The following AFF1 variants were observed in gnomAD, a reference collection of about 807,000 sequenced individuals.
The protein encoded by AFF1 is ALF transcription elongation factor 1.
In AFF1, 48 loss-of-function variants were observed where a neutral mutation model predicts 121.7. That is an observed-to-expected ratio of 0.39 (90% CI 0.31 to 0.50). The LOEUF (loss-of-function observed/expected upper bound fraction) is 0.50. AFF1 is among the 20% of genes least tolerant of loss of function. The pLI, the probability that AFF1 is intolerant of heterozygous loss-of-function variation, is 0.76. For synonymous variants in AFF1, 613 were observed against 563.0 expected (o/e 1.09, Z -1.26); for missense variants, 1,523 against 1,511.7 (o/e 1.01, Z -0.12).
At chr4:86,949,167 T>C (rs941925320) in intron 2 of AFF1, among the ~76,000 whole-genome samples, 7 of 113,506 alleles carry the variant, frequency 6.2e-5, no homozygotes, top group African/African-American at 2.3e-4. Context: ...TTCAAAAATA[T>C]ATATATATAT....
chr4:87,050,469 C>G (rs966331397), intron 4 of AFF1, among the ~76,000 whole-genome samples: 1 of 152,188 alleles, frequency 6.6e-6, no homozygotes, highest in African/African-American at 2.4e-5. Flanking sequence ...CCTTCATTCT[C>G]TAGCCACCTA....
In AFF1 at chr4:87,114,446, G is replaced by T; in HGVS notation, c.1613G>T (p.Gly538Val). 1 of 1,613,618 alleles carries T rather than the reference G, an allele frequency of 6.2e-7. No individual in the cohort carries two copies. The highest frequency in any genetic ancestry group is 1.1e-5 in the South Asian group (1 of 91,082). The change falls in exon 12 of 21, where the codon GGC becomes GTC. Residue 538 changes from glycine to valine, a missense_variant. By Grantham distance (109) the Gly-to-Val change is moderately radical (BLOSUM62 -3). Transcript: ENST00000395146. ...AGCCAGCCAGCTGCGCCACCAGAGG[G>T]CCCCAGGAGCACAGAGCCCCCACGG... ...KVSQPAAPPE[G>V]PRSTEPPRRH...
At chr4:87,083,972 C>T in intron 4 of AFF1, 148 bp from the exon 5 acceptor site, 22 of 682,674 alleles carry the variant, frequency 3.2e-5, no homozygotes, top group South Asian at 1.7e-4. Context: ...TGCCATGTTG[C>T]CCAGGCTTCA....
In AFF1 at chr4:87,059,773, C is replaced by T. The variant is rs72877973; in HGVS notation, c.1059+12179C>T. Among the ~76,000 whole-genome samples, 201 of 152,308 alleles carry T rather than the reference C, an allele frequency of 1.3e-3. 1 individual carries two copies. The highest frequency in any genetic ancestry group is 4.6e-3 in the African/African-American group (190 of 41,568). On this transcript the variant is annotated intron_variant, in intron 4 of 20. Transcript: ENST00000395146. ...CTTATAGATGACTTTCTGCTGTGCA[C>T]CCCGCTGCCCAGGCCCGAGTTTCAG... is the stretch of plus-strand genomic sequence containing the variant.
At chr4:87,065,766 T>G (rs1012355464) in intron 4 of AFF1, among the ~76,000 whole-genome samples, 1 of 146,680 alleles carries the variant, frequency 6.8e-6, no homozygotes, top group Non-Finnish European at 1.5e-5. Flanking sequence ...CTTAAAGAAC[T>G]TAAACAGTTG....
intron 8 of AFF1, among the ~76,000 whole-genome samples, chr4:87,102,264 A>G (rs1725505105): frequency 6.6e-6 from 1 of 152,248 alleles, no homozygotes. Context: ...TTGACTTGGC[A>G]TTTGGAAATG....
At chr4:87,107,246 A>G (rs1186139995) in intron 10 of AFF1, among the ~76,000 whole-genome samples, 2 of 152,232 alleles carry the variant, frequency 1.3e-5, no homozygotes, top group Non-Finnish European at 2.9e-5. Flanking sequence ...TTTTGAAAAT[A>G]TTTTAGGTAG....
chr4:87,054,795 G>GT (rs1719932703), intron 4 of AFF1, among the ~76,000 whole-genome samples: 1 of 152,196 alleles, frequency 6.6e-6, no homozygotes, highest in Admixed American at 6.5e-5. Flanking sequence ...TGACAGGCAG[G>GT]TTTTTTAGAG....
chr4:86,979,138 C>T (rs984642939), intron 2 of AFF1, among the ~76,000 whole-genome samples: 1 of 152,138 alleles, frequency 6.6e-6, no homozygotes, highest in African/African-American at 2.4e-5. Context: ...TGCTCTGTCG[C>T]CCAGGCTGGA....
intron 2 of AFF1, among the ~76,000 whole-genome samples, chr4:86,955,688 C>T (rs1209844408): frequency 1.3e-5 from 2 of 152,132 alleles, no homozygotes; most frequent in Non-Finnish European, 1.5e-5. Flanking sequence ...AAGTAAATGT[C>T]ATTTCAGGCT....
In AFF1 at chr4:87,125,945, G is replaced by A. The variant is rs116821033; in HGVS notation, c.2574-154G>A. 5.0e-3 allele frequency among the ~76,000 whole-genome samples: 762 copies of A among 152,242 alleles called. 8 individuals are homozygous for A. The highest frequency in any genetic ancestry group is 0.017 in the African/African-American group (724 of 41,548). On this transcript the variant is annotated intron_variant, in intron 13 of 20. Transcript: ENST00000395146. The stretch of plus-strand genomic sequence containing the variant: ...ATGGGTAGGGCTAGATTTTTGAAAT[G>A]CCTCAAAAAGTCCCTGAAATTTGGC...
intron 4 of AFF1, among the ~76,000 whole-genome samples, chr4:87,069,068 CCTTCT>C (rs953270731): frequency 2.6e-5 from 4 of 152,076 alleles, no homozygotes; most frequent in South Asian, 2.1e-4. Context: ...TTCTCTTCCC[CCTTCT>C]CTTCTTTTCT....
At chr4:86,992,966 T>TA (rs1306004769) in intron 2 of AFF1, among the ~76,000 whole-genome samples, 1 of 152,206 alleles carries the variant, frequency 6.6e-6, no homozygotes, top group Non-Finnish European at 1.5e-5. Context: ...AAAGATTTTT[T>TA]AAAAAACATG....
chr4:87,033,487 G>A (rs943720719), intron 2 of AFF1, among the ~76,000 whole-genome samples: 2 of 152,176 alleles, frequency 1.3e-5, no homozygotes, highest in South Asian at 2.1e-4. Context: ...GTTCCAAGCT[G>A]TTCTATAGAA....
At chr4:87,080,080 A>G (rs1723024038) in intron 4 of AFF1, among the ~76,000 whole-genome samples, 1 of 152,234 alleles carries the variant, frequency 6.6e-6, no homozygotes, top group African/African-American at 2.4e-5. Context: ...TGTTAAGGCC[A>G]TATCCCAGGA....
At chr4:86,945,605 A>G (rs1697465963) in intron 1 of AFF1, among the ~76,000 whole-genome samples, 2 of 150,342 alleles carry the variant, frequency 1.3e-5, no homozygotes, top group Admixed American at 6.6e-5. Context: ...GGCTCAACCA[A>G]TCCTCCTGCC....
intron 2 of AFF1, among the ~76,000 whole-genome samples, chr4:86,957,048 A>T (rs891394337): frequency 7.9e-5 from 12 of 152,218 alleles, no homozygotes; most frequent in African/African-American, 2.4e-4. Flanking sequence ...GCTGAGGCTG[A>T]GAGTTGGAGG....
At chr4:87,010,846 TG>T (rs1249771500) in intron 2 of AFF1, among the ~76,000 whole-genome samples, 1 of 152,058 alleles carries the variant, frequency 6.6e-6, no homozygotes, top group East Asian at 1.9e-4. Context: ...CCAGCACTTT[TG>T]GGAGGCCGAG....
At chr4:87,110,964 T>C (rs1490390165) in intron 11 of AFF1, among the ~76,000 whole-genome samples, 3 of 151,912 alleles carry the variant, frequency 2.0e-5, no homozygotes, top group Non-Finnish European at 1.5e-5. Context: ...TTTGAAAGTC[T>C]TAAAACCTTG....
Sources: allele counts gnomAD v4.1 joint callset (sites outside exome capture counted in the v4.1 genomes callset), GRCh38; gene constraint gnomAD v4.1.1; transcripts MANE v1.5; gene names NCBI Gene and HGNC (gene_info 2026-07-23, HGNC 2026-07-21).